Variants in KIF26B observed in about 807,000 individuals in gnomAD.
The protein encoded by KIF26B is kinesin-like protein KIF26B.
In KIF26B, 63 loss-of-function variants were observed where a neutral mutation model predicts 151.2. That is an observed-to-expected ratio of 0.42 (90% CI 0.34 to 0.51). The LOEUF (loss-of-function observed/expected upper bound fraction) is 0.51. KIF26B is among the 20% of genes least tolerant of loss of function. The pLI is 0.07. For missense variants in KIF26B, 2,813 were observed against 2,913.6 expected (o/e 0.97, Z 0.79); for synonymous variants, 1,357 against 1,262.1 (o/e 1.08, Z -1.59).
intron 5 of KIF26B, among the ~76,000 whole-genome samples, chr1:245,571,596 A>G (rs955060144): frequency 6.6e-6 from 1 of 152,216 alleles, no homozygotes; most frequent in Non-Finnish European, 1.5e-5. Flanking sequence ...AAACACTTTA[A>G]GTAACAGAAT....
rs1412363657 is a variant in KIF26B, at chr1:245,305,933, C to G, written c.466-60901C>G. 5.8e-5 allele frequency among the ~76,000 whole-genome samples: 5 copies of G among 86,702 alleles called. No individual in the cohort carries two copies. In the East Asian group the frequency reaches 1.6e-3, roughly 28 times the overall value. 56.9% of individuals were successfully genotyped at this position (86,702 alleles called of 152,430 possible). On this transcript the variant is annotated intron_variant, in intron 2 of 14. Coordinates refer to ENST00000407071, the MANE Select transcript of KIF26B (RefSeq NM_018012.4). ...GCCTGGGTGACAGAGCGAGACGACT[C>G]CTCAAAAAAAAAAAAAAAAAAAAAG...
chr1:245,332,832 C>G (rs766086216), intron 2 of KIF26B, among the ~76,000 whole-genome samples: 10 of 152,192 alleles, frequency 6.6e-5, no homozygotes, highest in Non-Finnish European at 1.3e-4. Context: ...CTCCTCGGCA[C>G]AGGGACTGGC....
chr1:245,314,978 G>T (rs1223255775), intron 2 of KIF26B, among the ~76,000 whole-genome samples: 2 of 151,244 alleles, frequency 1.3e-5, no homozygotes, highest in Non-Finnish European at 3.0e-5. Flanking sequence ...GTCGGGAGTT[G>T]GAGACCGGCC....
chr1:245,547,232 TAGG>T (rs1218011418), intron 5 of KIF26B, among the ~76,000 whole-genome samples: 2 of 152,196 alleles, frequency 1.3e-5, no homozygotes, highest in African/African-American at 4.8e-5. Flanking sequence ...TGGGAACTGT[TAGG>T]AGAATATTCT....
In KIF26B at chr1:245,375,784, G is replaced by A. The variant is rs956998566; in HGVS notation, c.999+8417G>A. ...AGCGGGATGGGGTCTACAGACCAAGGAGTCCCTGCAGAAACCTGCAGGACA... is the reference window on the plus strand; with the variant it reads ...AGCGGGATGGGGTCTACAGACCAAGAAGTCCCTGCAGAAACCTGCAGGACA... On this transcript the variant is annotated intron_variant, in intron 3 of 14. Transcript: ENST00000407071. This position sits in a 1 kb window ranked among gnomAD's most constrained non-coding sequence, Gnocchi z 4.2. 3.3e-5 allele frequency among the ~76,000 whole-genome samples: 5 copies of A among 152,092 alleles called. No homozygotes were observed. The highest frequency in any genetic ancestry group is 1.2e-4 in the African/African-American group (5 of 41,404).
chr1:245,662,124 T>G (rs2147933840), intron 10 of KIF26B, among the ~76,000 whole-genome samples: 1 of 149,658 alleles, frequency 6.7e-6, no homozygotes, highest in Non-Finnish European at 1.5e-5. Flanking sequence ...ATATACCCAA[T>G]GATATATACA....
intron 10 of KIF26B, among the ~76,000 whole-genome samples, chr1:245,666,491 G>C (rs1423374479): frequency 1.3e-5 from 2 of 152,054 alleles, no homozygotes; most frequent in African/African-American, 4.8e-5. Flanking sequence ...CCCTTGGAGG[G>C]GTTCCTGTAC....
chr1:245,369,195 G>GAGAGAGACAGAC lies in KIF26B; in HGVS notation c.999+1831_999+1832insGAGACAGACAGA, dbSNP rs375330671. ...AGAGAGAGAGAGAGAGAGAGAGAGAGAGACAGACAGACAGACAGACAGTTT... is the reference window on the plus strand; with the variant it reads ...AGAGAGAGAGAGAGAGAGAGAGAGAGAGAGAGACAGACAGACAGACAGACAGACAGACAGTTT... On this transcript the variant is annotated intron_variant, in intron 3 of 14. Transcript: ENST00000407071. Among the ~76,000 whole-genome samples the GAGAGAGACAGAC allele has an allele frequency of 1.5e-3, 198 of 129,588 alleles. 1 individual carries two copies. Among genetic ancestry groups the GAGAGAGACAGAC allele is most frequent in the African/African-American group, 6.1e-3 (194 of 31,908 alleles). The allele number at this position is 129,588 out of a possible 152,430, so 85.0% of individuals were successfully genotyped here. A position where few individuals can be genotyped will look rare whatever the true frequency, so the allele number is the denominator to read the frequency against.
chr1:245,243,616 C>A (rs571830687), intron 2 of KIF26B, among the ~76,000 whole-genome samples: 1 of 152,172 alleles, frequency 6.6e-6, no homozygotes, highest in South Asian at 2.1e-4. Context: ...GCCAAATTTA[C>A]CCCCATTCTT....
chr1:245,556,464 G>A (rs962804296), intron 5 of KIF26B, among the ~76,000 whole-genome samples: 6 of 151,956 alleles, frequency 3.9e-5, no homozygotes, highest in African/African-American at 1.2e-4. Context: ...TGGCGTGAAC[G>A]AACACAGCTC....
intron 3 of KIF26B, among the ~76,000 whole-genome samples, chr1:245,402,462 G>A (rs1674030618): frequency 6.6e-6 from 1 of 152,094 alleles, no homozygotes; most frequent in Non-Finnish European, 1.5e-5. Flanking sequence ...ATGGTGACCT[G>A]GATTGGAGGG....
rs2043410985 is a variant in KIF26B at position 245,602,804 on chromosome 1, A to C, written c.1557+21A>C. The C allele has an allele frequency of 6.2e-7, 1 of 1,610,528 alleles. No homozygotes were observed. ...CTCAGGTGGGTATCAGCCCCCTCTC[A>C]GGCTCAGGCAACGTTGATGAAAGGG... is the stretch of plus-strand genomic sequence containing the variant. On this transcript the variant is annotated intron_variant, in intron 6 of 14. Coordinates refer to ENST00000407071, the MANE Select transcript of KIF26B (RefSeq NM_018012.4). The surrounding 1 kb of genome is among the most constrained non-coding windows in gnomAD (Gnocchi z 4.5).
intron 8 of KIF26B, 36 bp downstream of exon 8, chr1:245,609,564 G>A: frequency 2.0e-6 from 3 of 1,475,130 alleles, no homozygotes; most frequent in South Asian, 1.5e-5. Flanking sequence ...CCCCAAGGTG[G>A]CTCCCTCCCC....
intron 12 of KIF26B, among the ~76,000 whole-genome samples, chr1:245,694,816 G>A (rs923277072): frequency 3.9e-5 from 6 of 152,188 alleles, no homozygotes; most frequent in African/African-American, 7.2e-5. Flanking sequence ...CATTTCATGC[G>A]GTAAATCCAT....
At chr1:245,539,800 GC>G in intron 4 of KIF26B, among the ~76,000 whole-genome samples, 1 of 152,194 alleles carries the variant, frequency 6.6e-6, no homozygotes, top group African/African-American at 2.4e-5. Context: ...TTACAGGCAT[GC>G]ACCACCACAC....
chr1:245,685,637 G>T lies in KIF26B; in HGVS notation c.2654G>T (p.Gly885Val), dbSNP rs1289262672. Residue 885 changes from glycine to valine, a missense_variant, in exon 12 of 15, where the codon GGC (glycine) becomes GTC (valine). Gly to Val is a moderately radical substitution (Grantham distance 109, BLOSUM62 -3). Transcript: ENST00000407071. ...LSDKELTDNE[G>V]PPDFVPIVPA... is the part of the protein sequence containing the mutation. ...GACAAGGAGCTCACCGACAACGAGGGCCCCCCAGACTTTGTCCCTATCGTG... is the reference window on the plus strand; with the variant it reads ...GACAAGGAGCTCACCGACAACGAGGTCCCCCCAGACTTTGTCCCTATCGTG... 1 of 1,613,186 alleles carries T rather than the reference G, an allele frequency of 6.2e-7. No homozygotes were observed. The highest frequency in any genetic ancestry group is 8.5e-7 in the Non-Finnish European group (1 of 1,179,756).
intron 9 of KIF26B, among the ~76,000 whole-genome samples, chr1:245,614,158 C>T (rs1354467792): frequency 6.6e-6 from 1 of 152,110 alleles, no homozygotes; most frequent in Non-Finnish European, 1.5e-5. Context: ...GCTGCCTGTT[C>T]TGCCTGCTCC....
At position 245,288,088 on chromosome 1, in the gene KIF26B, T is replaced by C. The variant is rs375099970; in HGVS notation, c.466-78746T>C. The stretch of plus-strand genomic sequence containing the variant: ...ATTTTCTTACATATTGTTTGTACCA[T>C]CTCTTCATCCCACTCTACTTTCGGA... On this transcript the variant is annotated intron_variant, in intron 2 of 14. Transcript: ENST00000407071. Among the ~76,000 whole-genome samples, 11 of 152,264 alleles carry C rather than the reference T, an allele frequency of 7.2e-5. No homozygotes were observed. The East Asian group carries it at 1.7e-3, about 24-fold the overall frequency.
At chr1:245,220,984 C>T (rs1002025247) in intron 2 of KIF26B, among the ~76,000 whole-genome samples, 3 of 152,154 alleles carry the variant, frequency 2.0e-5, no homozygotes, top group African/African-American at 7.2e-5. Flanking sequence ...GCCATAAAAA[C>T]CAAACAGTGA....
Sources: gnomAD v4.1 joint callset for allele counts (sites outside exome capture counted in the v4.1 genomes callset) on GRCh38, gnomAD v4.1.1 for gene constraint, Gnocchi (gnomAD v3.1) non-coding constraint, MANE v1.5 for transcripts, NCBI Gene and HGNC (gene_info 2026-07-23, HGNC 2026-07-21) for gene names.